The following SLC4A10 variants were observed in gnomAD, a reference collection of about 807,000 sequenced individuals.
SLC4A10 encodes the protein solute carrier family 4 member 10, also known as sodium-driven chloride bicarbonate exchanger.
SLC4A10 carries 42 observed loss-of-function variants against 137.7 expected under a neutral mutation model. The observed-to-expected ratio is 0.30, with a 90% CI of 0.24 to 0.39. The LOEUF (loss-of-function observed/expected upper bound fraction) is 0.39, where lower values mean the gene tolerates loss of function less well. SLC4A10 is among the 10% of genes least tolerant of loss of function. The pLI, the probability that SLC4A10 is intolerant of heterozygous loss-of-function variation, is 1.00. For missense variants in SLC4A10, 925 were observed against 1,355.0 expected, an observed-to-expected ratio of 0.68 and a Z score of 4.98; for synonymous variants, 474 against 464.1, an observed-to-expected ratio of 1.02 and a Z score of -0.27.
chr2:161,938,534 A>ATT (rs1328084456), intron 15 of SLC4A10, among the ~76,000 whole-genome samples: 49 of 151,240 alleles, frequency 3.2e-4, no homozygotes, highest in Admixed American at 3.0e-3. Context: ...TATCGATAAT[A>ATT]ATCTATTATC....
At chr2:161,731,498 G>T (rs1267181902) in intron 1 of SLC4A10, among the ~76,000 whole-genome samples, 1 of 152,124 alleles carries the variant, frequency 6.6e-6, no homozygotes, top group African/African-American at 2.4e-5. Flanking sequence ...TGTAGGGACA[G>T]TTTTCTTCAT....
chr2:161,776,163 A>G (rs2052305666), intron 2 of SLC4A10, among the ~76,000 whole-genome samples: 2 of 151,946 alleles, frequency 1.3e-5, no homozygotes, highest in Admixed American at 1.3e-4. Context: ...GGCCACACTG[A>G]TGCATACTTT....
intron 1 of SLC4A10, among the ~76,000 whole-genome samples, chr2:161,652,811 T>C (rs902557952): frequency 4.6e-5 from 7 of 151,106 alleles, no homozygotes; most frequent in African/African-American, 7.3e-5. Context: ...TTTGACCTAA[T>C]TGACATTTAT....
chr2:161,957,266 TGAGA>T (rs1362261242), intron 20 of SLC4A10, 26 bp downstream of exon 20: 6 of 1,597,514 alleles, frequency 3.8e-6, no homozygotes, highest in Non-Finnish European at 4.3e-6. Context: ...TTTATGAACT[TGAGA>T]GAAAGAATAC....
intron 1 of SLC4A10, among the ~76,000 whole-genome samples, chr2:161,728,263 A>G (rs1361336709): frequency 6.6e-6 from 1 of 152,216 alleles, no homozygotes; most frequent in Non-Finnish European, 1.5e-5. Flanking sequence ...TCACAGTTAA[A>G]AACAGTTCAA....
chr2:161,769,016 T>C (rs1466434084), intron 1 of SLC4A10, among the ~76,000 whole-genome samples: 1 of 152,020 alleles, frequency 6.6e-6, no homozygotes, highest in Non-Finnish European at 1.5e-5. Flanking sequence ...CCTTAAATTA[T>C]AAATCTACTC....
chr2:161,914,947 G>A (rs940190059), intron 15 of SLC4A10, among the ~76,000 whole-genome samples: 4 of 152,098 alleles, frequency 2.6e-5, no homozygotes, highest in Non-Finnish European at 5.9e-5. Flanking sequence ...CCTGAAACCC[G>A]CAGCCCAAAG....
chr2:161,644,762 A>G (rs1329335125), intron 1 of SLC4A10, among the ~76,000 whole-genome samples: 2 of 152,196 alleles, frequency 1.3e-5, no homozygotes, highest in African/African-American at 4.8e-5. Context: ...TGTTCTAGAG[A>G]TATCTTGTAG....
intron 15 of SLC4A10, among the ~76,000 whole-genome samples, chr2:161,925,076 G>A (rs1398265748): frequency 6.6e-6 from 1 of 152,074 alleles, no homozygotes; most frequent in Non-Finnish European, 1.5e-5. Flanking sequence ...CATTTGTTCT[G>A]GAGTCATCTC....
intron 19 of SLC4A10, among the ~76,000 whole-genome samples, chr2:161,955,655 C>A (rs1212509304): frequency 1.3e-5 from 2 of 152,110 alleles, no homozygotes; most frequent in African/African-American, 2.4e-5. Flanking sequence ...ACTTTAAGAA[C>A]CTTCTTACTA....
chr2:161,829,254 T>G (rs2058262577), intron 3 of SLC4A10, among the ~76,000 whole-genome samples: 1 of 152,200 alleles, frequency 6.6e-6, no homozygotes, highest in African/African-American at 2.4e-5. Context: ...AAAACCAGAT[T>G]ATAAGCAATT....
intron 1 of SLC4A10, among the ~76,000 whole-genome samples, chr2:161,639,662 A>G (rs1225643190): frequency 5.3e-5 from 8 of 152,210 alleles, no homozygotes; most frequent in Admixed American, 2.0e-4. Flanking sequence ...CACGGTTAAC[A>G]TCATACTTGA....
Position 161,964,263 on chromosome 2 carries a change from G to C in SLC4A10, c.2991G>C (p.Leu997Phe). 6.2e-7 allele frequency: 1 copy of C among 1,613,608 alleles called. No homozygotes were observed. Among genetic ancestry groups the C allele is most frequent in the Non-Finnish European group, 8.5e-7 (1 of 1,179,656 alleles). Reference protein sequence around the residue: ...TIIQMSCLGLLWIIKVSRAAI... With the variant: ...TIIQMSCLGLFWIIKVSRAAI... Reference sequence around the variant, plus strand: ...TTCAGATGAGTTGCCTTGGCCTTTTGTGGATAATAAAAGTTTCAAGAGCTG... The same window carrying C: ...TTCAGATGAGTTGCCTTGGCCTTTTCTGGATAATAAAAGTTTCAAGAGCTG... Residue 997 changes from leucine to phenylalanine, a missense_variant, in exon 22 of 27, where the codon TTG (leucine) becomes TTC (phenylalanine). Physicochemically the swap from Leu to Phe is conservative, Grantham distance 22. Around this residue, in one of 11 missense-constraint regions of SLC4A10, gnomAD observed 115 missense variants for 237.5 expected, o/e 0.48. Coordinates refer to ENST00000446997, the MANE Select transcript of SLC4A10 (RefSeq NM_001178015.2).
chr2:161,645,441 A>G (rs1017983902), intron 1 of SLC4A10, among the ~76,000 whole-genome samples: 2 of 152,082 alleles, frequency 1.3e-5, no homozygotes, highest in Non-Finnish European at 2.9e-5. Context: ...AGAAATGTAC[A>G]GAAAAGACAA....
At chr2:161,948,388 T>A (rs1326526316) in intron 17 of SLC4A10, among the ~76,000 whole-genome samples, 1 of 152,160 alleles carries the variant, frequency 6.6e-6, no homozygotes, top group Admixed American at 6.6e-5. Context: ...GGGCTTCTTT[T>A]TTGTCACCAC....
At chr2:161,626,353 C>A (rs531043362) in intron 1 of SLC4A10, among the ~76,000 whole-genome samples, 4 of 152,164 alleles carry the variant, frequency 2.6e-5, no homozygotes, top group East Asian at 1.9e-4. Flanking sequence ...GATGGGCAAC[C>A]AATTTATAGC....
At chr2:161,771,178 G>A (rs2051550744) in intron 2 of SLC4A10, 124 bp downstream of exon 2, 2 of 677,558 alleles carry the variant, frequency 3.0e-6, no homozygotes, top group East Asian at 5.5e-5. Context: ...AGCTTACTGG[G>A]GAGGGGTACA....
At chr2:161,951,571 A>G (rs1009790395) in intron 19 of SLC4A10, among the ~76,000 whole-genome samples, 2 of 152,182 alleles carry the variant, frequency 1.3e-5, no homozygotes, top group Non-Finnish European at 2.9e-5. Context: ...AATCTGCATC[A>G]AACCTTGTAA....
intron 2 of SLC4A10, among the ~76,000 whole-genome samples, chr2:161,783,658 G>A (rs2053300652): frequency 6.6e-6 from 1 of 151,692 alleles, no homozygotes; most frequent in Non-Finnish European, 1.5e-5. Context: ...GTAAAAAGAG[G>A]CATATTTTTG....
Sources: gnomAD v4.1 joint callset for allele counts (sites outside exome capture counted in the v4.1 genomes callset) on GRCh38, gnomAD v4.1.1 for gene constraint, gnomAD v4.1.1 regional missense constraint, MANE v1.5 for transcripts, NCBI Gene and HGNC (gene_info 2026-07-23, HGNC 2026-07-21) for gene names.